ATP2B2: variants seen among roughly 807,000 people sequenced by gnomAD.
ATP2B2 encodes ATPase plasma membrane Ca2+ transporting 2.
In ATP2B2, 15 loss-of-function variants were observed where a neutral mutation model predicts 120.0. The ratio of observed to expected loss-of-function variants is 0.12; its 90% CI spans 0.08 to 0.19. The LOEUF is 0.19. Ranked by LOEUF, ATP2B2 falls within the 10% of genes least tolerant of loss-of-function variation. The pLI is 1.00. For missense variants in ATP2B2, 1,045 were observed against 1,719.8 expected, an observed-to-expected ratio of 0.61 and a Z score of 6.94; for synonymous variants, 694 against 700.3, an observed-to-expected ratio of 0.99 and a Z score of 0.14.
intron 11 of ATP2B2, among the ~76,000 whole-genome samples, chr3:10,374,805 A>T (rs13059398): frequency 0.023 from 3,533 of 152,282 alleles, 105 homozygotes; most frequent in South Asian, 0.073. Context: ...TCATGACCCC[A>T]GCTCTTCATT....
intron 22 of ATP2B2, among the ~76,000 whole-genome samples, chr3:10,333,629 C>T (rs1479161313): frequency 6.6e-6 from 1 of 152,132 alleles, no homozygotes; most frequent in Non-Finnish European, 1.5e-5. Context: ...GGGGTTTGGT[C>T]AGGCTCTTTT....
At chr3:10,355,079 A>G (rs2060676749) in intron 14 of ATP2B2, among the ~76,000 whole-genome samples, 1 of 151,266 alleles carries the variant, frequency 6.6e-6, no homozygotes, top group Non-Finnish European at 1.5e-5. Flanking sequence ...GACCTACCTA[A>G]AAAACAAACA....
intron 2 of ATP2B2, 126 bp from the exon 3 acceptor site, chr3:10,410,941 C>A: frequency 5.2e-6 from 6 of 1,146,624 alleles, no homozygotes; most frequent in Non-Finnish European, 7.7e-6. Flanking sequence ...AGGAGCCCAA[C>A]ATCTCTTCAT....
intron 2 of ATP2B2, among the ~76,000 whole-genome samples, chr3:10,570,824 C>T (rs550738045): frequency 2.6e-5 from 4 of 152,228 alleles, no homozygotes; most frequent in Non-Finnish European, 4.4e-5. Context: ...ACCTCAACGC[C>T]CTGCTGTACT....
chr3:10,452,702 C>A (rs535881790), intron 1 of ATP2B2, among the ~76,000 whole-genome samples: 1 of 152,164 alleles, frequency 6.6e-6, no homozygotes, highest in Non-Finnish European at 1.5e-5. Flanking sequence ...GAAGGCTGAA[C>A]CCCGCTGGAG....
chr3:10,535,385 A>ATGTGTGTGTGTGTG (rs34707434), intron 2 of ATP2B2, among the ~76,000 whole-genome samples: 22 of 147,064 alleles, frequency 1.5e-4, no homozygotes, highest in African/African-American at 3.5e-4. Flanking sequence ...CAGCAGTTTG[A>ATGTGTGTGTGTGTG]TGTGTGTGTG....
chr3:10,540,515 T>C (rs960611872), intron 2 of ATP2B2, among the ~76,000 whole-genome samples: 2 of 152,084 alleles, frequency 1.3e-5, no homozygotes, highest in Non-Finnish European at 2.9e-5. Context: ...GTGGCAGATA[T>C]ACACCATGGA....
chr3:10,596,738 C>G (rs914341876), intron 2 of ATP2B2, among the ~76,000 whole-genome samples: 3 of 152,238 alleles, frequency 2.0e-5, no homozygotes, highest in African/African-American at 7.2e-5. Flanking sequence ...TCAAATTATT[C>G]TGAAGGGCCA....
At chr3:10,625,445 C>T (rs1285642956) in intron 1 of ATP2B2, among the ~76,000 whole-genome samples, 2 of 152,148 alleles carry the variant, frequency 1.3e-5, no homozygotes, top group South Asian at 4.1e-4. Flanking sequence ...CTGCCCCTGG[C>T]TCCCGCTGAA....
chr3:10,546,617 A>C (rs966661078), intron 2 of ATP2B2, among the ~76,000 whole-genome samples: 4 of 152,162 alleles, frequency 2.6e-5, no homozygotes, highest in Admixed American at 2.6e-4. Flanking sequence ...CTCCCTTCTG[A>C]GGTCCCTACC....
chr3:10,629,004 C>A (rs1027315631), intron 1 of ATP2B2, among the ~76,000 whole-genome samples: 1 of 152,198 alleles, frequency 6.6e-6, no homozygotes, highest in Admixed American at 6.5e-5. Flanking sequence ...TCCCGGCCAA[C>A]GGCACCATAA....
intron 1 of ATP2B2, among the ~76,000 whole-genome samples, chr3:10,689,079 C>T (rs938806306): frequency 5.3e-5 from 8 of 152,186 alleles, no homozygotes; most frequent in African/African-American, 1.9e-4. Context: ...AGAGCCAAAG[C>T]TGTAGGCCCA....
rs1161361932 is a variant in ATP2B2, at chr3:10,338,299, T to C, written c.3297A>G (p.Thr1099=). Residue 1099 remains threonine (T), a synonymous_variant, in exon 22 of 23, where the codon ACA becomes ACG. Transcript: ENST00000360273. The stretch of plus-strand genomic sequence containing the variant: ...CCTCCTCCGGGATCTCCTCCTTCTG[T>C]GTGAGCCTGCCTGCCTCCTTGAGGA... ...LKFLKEAGRL[T]QKEEIPEEEL... 2.5e-6 allele frequency: 4 copies of C among 1,614,162 alleles called. No individual in the cohort carries two copies. The highest frequency in any genetic ancestry group is 3.3e-5 in the Admixed American group (2 of 60,026).
At chr3:10,431,384 C>G (rs764849335) in intron 2 of ATP2B2, among the ~76,000 whole-genome samples, 1 of 152,136 alleles carries the variant, frequency 6.6e-6, no homozygotes, top group African/African-American at 2.4e-5. Context: ...CCATTGCCAC[C>G]CCACCTTTAG....
intron 1 of ATP2B2, among the ~76,000 whole-genome samples, chr3:10,704,178 G>A (rs1213888760): frequency 6.6e-6 from 1 of 152,184 alleles, no homozygotes; most frequent in Non-Finnish European, 1.5e-5. Context: ...TTTCCTGAGT[G>A]GTTGGCCTCG....
intron 1 of ATP2B2, among the ~76,000 whole-genome samples, chr3:10,461,618 C>T (rs780114793): frequency 3.3e-4 from 50 of 152,168 alleles, no homozygotes; most frequent in Non-Finnish European, 4.9e-4. Context: ...CACAGGTCTG[C>T]AGCCCCCACC....
intron 3 of ATP2B2, 137 bp downstream of exon 3, chr3:10,410,481 G>A: frequency 5.3e-6 from 6 of 1,132,306 alleles, no homozygotes; most frequent in East Asian, 2.4e-5. Flanking sequence ...TGTTGGCTAT[G>A]GGTGGGGCCC....
At chr3:10,597,864 G>C (rs2068809936) in intron 2 of ATP2B2, among the ~76,000 whole-genome samples, 1 of 152,178 alleles carries the variant, frequency 6.6e-6, no homozygotes, top group East Asian at 1.9e-4. Context: ...CACCTCCTCT[G>C]TTAAATGGCC....
intron 1 of ATP2B2, among the ~76,000 whole-genome samples, chr3:10,691,720 C>A (rs144527767): frequency 6.6e-6 from 1 of 152,210 alleles, no homozygotes; most frequent in Non-Finnish European, 1.5e-5. Context: ...TTGAGCCCAG[C>A]GCTGAATGCC....
Sources: allele counts gnomAD v4.1 joint callset (sites outside exome capture counted in the v4.1 genomes callset), GRCh38; gene constraint gnomAD v4.1.1; transcripts MANE v1.5; gene names NCBI Gene and HGNC (gene_info 2026-07-23, HGNC 2026-07-21).